The following EXOC4 variants were observed in gnomAD, a reference collection of about 807,000 sequenced individuals.
EXOC4 encodes the protein SEC8-like 1.
EXOC4 carries 71 observed loss-of-function variants against 107.2 expected under a neutral mutation model. The observed-to-expected ratio is 0.66, with a 90% CI of 0.55 to 0.81. The LOEUF is 0.81. EXOC4 is among the 30% of genes least tolerant of loss of function. The pLI is 0.00. For missense variants in EXOC4, 1,108 were observed against 1,189.6 expected (o/e 0.93, Z 1.01); for synonymous variants, 456 against 441.2 (o/e 1.03, Z -0.42).
Position 134,050,444 on chromosome 7 carries a change from G to C in EXOC4, c.2688-13847G>C, listed in dbSNP as rs1795757714. 2.0e-5 allele frequency among the ~76,000 whole-genome samples: 3 copies of C among 152,096 alleles called. No individual in the cohort carries two copies. The South Asian group carries it at 6.2e-4, about 32-fold the overall frequency. Reference sequence around the variant, plus strand: ...ACAAAACTAGTAAGTAAATACCCTAGTAACCTTTTTTATTGTATCATCAGC... The same window carrying C: ...ACAAAACTAGTAAGTAAATACCCTACTAACCTTTTTTATTGTATCATCAGC... On this transcript the variant is annotated intron_variant, in intron 17 of 17. Coordinates refer to ENST00000253861, the MANE Select transcript of EXOC4 (RefSeq NM_021807.4).
At chr7:133,460,781 G>T (rs1160822456) in intron 7 of EXOC4, among the ~76,000 whole-genome samples, 3 of 152,224 alleles carry the variant, frequency 2.0e-5, no homozygotes, top group Middle Eastern at 3.4e-3. Context: ...GCGAAGTCAA[G>T]AAATTGGTGA....
intron 12 of EXOC4, among the ~76,000 whole-genome samples, chr7:133,908,380 C>G (rs1585240414): frequency 6.6e-6 from 1 of 152,318 alleles, no homozygotes; most frequent in East Asian, 1.9e-4. Flanking sequence ...AGTGGTAGTG[C>G]ACATGTGAAA....
intron 17 of EXOC4, among the ~76,000 whole-genome samples, chr7:134,030,253 G>T (rs534173124): frequency 4.6e-5 from 7 of 152,258 alleles, no homozygotes; most frequent in African/African-American, 1.7e-4. Flanking sequence ...AAAAGCATGT[G>T]TCCACACAGA....
intron 13 of EXOC4, among the ~76,000 whole-genome samples, chr7:133,934,584 C>T (rs1345267938): frequency 2.0e-5 from 3 of 152,156 alleles, no homozygotes; most frequent in African/African-American, 7.2e-5. Flanking sequence ...GATTAGACTT[C>T]TTACATAAAT....
intron 10 of EXOC4, among the ~76,000 whole-genome samples, chr7:133,697,833 G>C (rs1794570424): frequency 6.6e-6 from 1 of 152,178 alleles, no homozygotes; most frequent in African/African-American, 2.4e-5. Flanking sequence ...GTTATCCACG[G>C]TGGTCAGATA....
chr7:133,793,280 A>G (rs1034905214), intron 10 of EXOC4, among the ~76,000 whole-genome samples: 1 of 152,142 alleles, frequency 6.6e-6, no homozygotes, highest in Admixed American at 6.5e-5. Flanking sequence ...GACTATATTA[A>G]TACGAGATTA....
chr7:133,389,059 A>G (rs1323513184), intron 7 of EXOC4, among the ~76,000 whole-genome samples: 1 of 152,132 alleles, frequency 6.6e-6, no homozygotes, highest in Non-Finnish European at 1.5e-5. Context: ...ATAGAGGAGT[A>G]AAGTAGTGAA....
At chr7:133,288,467 G>T (rs758497133) in intron 2 of EXOC4, among the ~76,000 whole-genome samples, 14 of 152,128 alleles carry the variant, frequency 9.2e-5, no homozygotes, top group Non-Finnish European at 1.8e-4. Flanking sequence ...TGAGCACTCT[G>T]TTTCTTGGTT....
chr7:133,752,472 T>C, intron 10 of EXOC4, among the ~76,000 whole-genome samples: 1 of 152,190 alleles, frequency 6.6e-6, no homozygotes, highest in East Asian at 1.9e-4. Flanking sequence ...TGTTTTCTCG[T>C]TTGCTTATTT....
At chr7:133,595,406 A>G (rs1029124007) in intron 9 of EXOC4, among the ~76,000 whole-genome samples, 1 of 152,178 alleles carries the variant, frequency 6.6e-6, no homozygotes, top group Non-Finnish European at 1.5e-5. Context: ...CTTTTATTGC[A>G]TATGCTATTC....
chr7:133,751,687 T>C (rs1795795964), intron 10 of EXOC4, among the ~76,000 whole-genome samples: 1 of 152,198 alleles, frequency 6.6e-6, no homozygotes, highest in African/African-American at 2.4e-5. Context: ...GCTCTTTTTG[T>C]CACATGAGTT....
At chr7:134,014,394 C>G (rs777134463) in intron 17 of EXOC4, among the ~76,000 whole-genome samples, 1 of 152,094 alleles carries the variant, frequency 6.6e-6, no homozygotes, top group Non-Finnish European at 1.5e-5. Flanking sequence ...CAGAGCGAGA[C>G]TCCGTCTCAA....
At chr7:133,438,606 GTGAAGAGCCTAGATA>G (rs1798029718) in intron 7 of EXOC4, among the ~76,000 whole-genome samples, 1 of 152,164 alleles carries the variant, frequency 6.6e-6, no homozygotes, top group African/African-American at 2.4e-5. Context: ...CATTTGGTTT[GTGAAGAGCCTAGATA>G]TGAAGAGCCA....
chr7:133,481,057 GA>G (rs10686907), intron 9 of EXOC4: 11 of 142,406 alleles, frequency 7.7e-5, no homozygotes, highest in South Asian at 2.2e-4. Context: ...CTCAAAAAAA[GA>G]AAAAAAAAAA....
At chr7:134,097,784 T>A in the EXOC4 span, among the ~76,000 whole-genome samples, 1 of 152,130 alleles carries the variant, frequency 6.6e-6, no homozygotes, top group Non-Finnish European at 1.5e-5. Context: ...GACACTAAGG[T>A]GTTACAGCTC....
At chr7:133,572,597 A>G (rs117910294) in intron 9 of EXOC4, among the ~76,000 whole-genome samples, 1,596 of 152,338 alleles carry the variant, frequency 0.01, 12 homozygotes, top group Middle Eastern at 0.024. Flanking sequence ...GTTACAGCAG[A>G]ATAAAGGAAG....
Position 133,817,490 on chromosome 7 carries a change from T to G in EXOC4, c.1680T>G (p.Ile560Met). Residue 560 changes from isoleucine to methionine, a missense_variant, in exon 11 of 18, where the codon ATT becomes ATG. Coordinates refer to ENST00000253861, the MANE Select transcript of EXOC4 (RefSeq NM_021807.4). ...CTAAAACATCTGACCCTTTGAAGATTCTGGCCAACGCAGACACCATGAAGG... is the reference window on the plus strand; with the variant it reads ...CTAAAACATCTGACCCTTTGAAGATGCTGGCCAACGCAGACACCATGAAGG... The part of the protein sequence containing the change: ...GVTKTSDPLK[I>M]LANADTMKVL... 2 of 1,614,174 alleles carry G rather than the reference T, an allele frequency of 1.2e-6. No individual in the cohort carries two copies. Among genetic ancestry groups the G allele is most frequent in the Non-Finnish European group, 1.7e-6 (2 of 1,180,024 alleles).
chr7:134,086,929 A>G, the EXOC4 span, among the ~76,000 whole-genome samples: 8 of 152,174 alleles, frequency 5.3e-5, no homozygotes, highest in African/African-American at 1.9e-4. Context: ...GTAAACTGTC[A>G]TGGTACTGGT....
chr7:134,021,898 A>G (rs1245425032), intron 17 of EXOC4, among the ~76,000 whole-genome samples: 1 of 54 alleles, frequency 0.019, no homozygotes, highest in Non-Finnish European at 0.038. Flanking sequence ...GACACTGATT[A>G]AACATTTGGG....
Sources: allele counts gnomAD v4.1 joint callset (sites outside exome capture counted in the v4.1 genomes callset), GRCh38; gene constraint gnomAD v4.1.1; transcripts MANE v1.5; gene names NCBI Gene and HGNC (gene_info 2026-07-23, HGNC 2026-07-21).